ROBO2: variants seen among roughly 807,000 people sequenced by gnomAD.
ROBO2 encodes the protein roundabout guidance receptor 2.
In ROBO2, 53 loss-of-function variants were observed where a neutral mutation model predicts 160.8. The observed-to-expected ratio is 0.33, with a 90% CI of 0.26 to 0.41. The LOEUF is 0.41. Ranked by LOEUF, ROBO2 falls within the 10% of genes least tolerant of loss-of-function variation. The probability of loss-of-function intolerance (pLI) is 1.00; values close to 1 mark genes in which losing one functional copy is unlikely to be tolerated. For missense variants in ROBO2, 1,577 were observed against 1,722.4 expected (o/e 0.92, Z 1.49); for synonymous variants, 664 against 611.7 (o/e 1.09, Z -1.26).
chr3:76,486,423 G>A (rs993367306), intron 2 of ROBO2, among the ~76,000 whole-genome samples: 1 of 152,152 alleles, frequency 6.6e-6, no homozygotes, highest in Admixed American at 6.5e-5. Flanking sequence ...GACGCACATT[G>A]AGTCATGACA....
At chr3:76,627,030 A>G (rs560972925) in intron 2 of ROBO2, among the ~76,000 whole-genome samples, 5 of 152,300 alleles carry the variant, frequency 3.3e-5, no homozygotes, top group Admixed American at 3.3e-4. Context: ...ATATGCCTCT[A>G]TTCAAGGAGA....
chr3:77,362,492 G>A (rs1239996175), intron 2 of ROBO2, among the ~76,000 whole-genome samples: 1 of 152,128 alleles, frequency 6.6e-6, no homozygotes, highest in African/African-American at 2.4e-5. Context: ...GAGTGATCAG[G>A]TATCTGTGGT....
intron 2 of ROBO2, among the ~76,000 whole-genome samples, chr3:76,305,851 A>G (rs1432435014): frequency 1.3e-5 from 2 of 152,074 alleles, no homozygotes; most frequent in African/African-American, 2.4e-5. Context: ...CATCTCAAAA[A>G]AAAAAACAAA....
At chr3:76,994,028 C>A (rs112562673) in intron 2 of ROBO2, among the ~76,000 whole-genome samples, 4,753 of 151,862 alleles carry the variant, frequency 0.031, 242 homozygotes, top group African/African-American at 0.11. Flanking sequence ...TATTGAGGAT[C>A]ACACATTCTG....
At chr3:76,822,303 C>T (rs1403862623) in intron 2 of ROBO2, among the ~76,000 whole-genome samples, 1 of 151,862 alleles carries the variant, frequency 6.6e-6, no homozygotes, top group African/African-American at 2.4e-5. Flanking sequence ...ACAGTGAATA[C>T]TGAGTAAATT....
At chr3:77,198,970 A>G (rs9839601) in intron 2 of ROBO2, among the ~76,000 whole-genome samples, 50,550 of 151,792 alleles carry the variant, frequency 0.33, 9,825 homozygotes, top group Middle Eastern at 0.52. Context: ...AATATGCTCT[A>G]TGTTAATGTC....
At chr3:76,738,975 T>C (rs1423156636) in intron 2 of ROBO2, among the ~76,000 whole-genome samples, 4 of 152,082 alleles carry the variant, frequency 2.6e-5, no homozygotes, top group Non-Finnish European at 1.5e-5. Flanking sequence ...TTGGGTGTGA[T>C]TCAGACGTTA....
At chr3:77,232,457 G>A (rs1180322799) in intron 2 of ROBO2, among the ~76,000 whole-genome samples, 1 of 152,126 alleles carries the variant, frequency 6.6e-6, no homozygotes, top group Non-Finnish European at 1.5e-5. Context: ...GATAAAAATG[G>A]ATTCTTTGAT....
rs970426453 is a variant in ROBO2, at chr3:77,040,865, C to T, written c.61+19C>T. The T allele has an allele frequency of 6.2e-7, 1 of 1,613,968 alleles. No individual in the cohort carries two copies. Among genetic ancestry groups the T allele is most frequent in the Non-Finnish European group, 8.5e-7 (1 of 1,179,960 alleles). On this transcript the variant is annotated intron_variant, in intron 1 of 25. Transcript: ENST00000461745. ...GTTGATGGTAAGTTAAAAATGCTTT[C>T]ATCTTTTTTTGCGCCCCCCACCCCC...
At chr3:76,277,161 CT>C (rs562036307) in intron 2 of ROBO2, among the ~76,000 whole-genome samples, 47 of 151,750 alleles carry the variant, frequency 3.1e-4, no homozygotes, top group African/African-American at 1.1e-3. Flanking sequence ...ATAAGCAATT[CT>C]TTTTTTTACT....
intron 2 of ROBO2, among the ~76,000 whole-genome samples, chr3:77,307,136 C>A (rs2153418285): frequency 6.6e-6 from 1 of 152,264 alleles, no homozygotes; most frequent in East Asian, 1.9e-4. Context: ...ATATAAACTT[C>A]ATTGGATAAG....
At chr3:77,229,402 G>A (rs561260720) in intron 2 of ROBO2, among the ~76,000 whole-genome samples, 34 of 152,176 alleles carry the variant, frequency 2.2e-4, no homozygotes, top group African/African-American at 4.3e-4. Flanking sequence ...ACCACATTGC[G>A]CCAGGTGTGG....
chr3:76,307,398 A>G (rs1368750144), intron 2 of ROBO2, among the ~76,000 whole-genome samples: 1 of 152,120 alleles, frequency 6.6e-6, no homozygotes, highest in Non-Finnish European at 1.5e-5. Flanking sequence ...TATGGCCTGC[A>G]TTAAAGCATT....
At chr3:77,344,825 A>G (rs1333618222) in intron 2 of ROBO2, among the ~76,000 whole-genome samples, 1 of 152,074 alleles carries the variant, frequency 6.6e-6, no homozygotes, top group Non-Finnish European at 1.5e-5. Context: ...GAAAATAATA[A>G]TATTAAAAGT....
At chr3:76,209,161 A>C (rs1000874416) in intron 2 of ROBO2, among the ~76,000 whole-genome samples, 1 of 152,196 alleles carries the variant, frequency 6.6e-6, no homozygotes, top group African/African-American at 2.4e-5. Flanking sequence ...GTCCACAGAC[A>C]ATCAGATGGA....
At chr3:77,056,676 A>G (rs2065778733) in intron 1 of ROBO2, among the ~76,000 whole-genome samples, 1 of 152,192 alleles carries the variant, frequency 6.6e-6, no homozygotes, top group Non-Finnish European at 1.5e-5. Flanking sequence ...AAGACATACA[A>G]TATTTTGGCA....
chr3:75,943,232 C>A (rs1948133099), intron 2 of ROBO2, among the ~76,000 whole-genome samples: 1 of 125,778 alleles, frequency 8.0e-6, no homozygotes, highest in South Asian at 3.5e-4. Context: ...GGCATTAATT[C>A]ACAATAGTAA....
chr3:76,537,353 C>A (rs2653478), intron 2 of ROBO2, among the ~76,000 whole-genome samples: 5,233 of 152,126 alleles, frequency 0.034, 326 homozygotes, highest in African/African-American at 0.12. Context: ...CCATTTGCAA[C>A]CATTGTCAAG....
intron 2 of ROBO2, among the ~76,000 whole-genome samples, chr3:76,550,580 C>G (rs1232159643): frequency 6.6e-6 from 1 of 152,192 alleles, no homozygotes; most frequent in Admixed American, 6.5e-5. Flanking sequence ...AAGCCCCTCA[C>G]TCCCAGGCAC....
Sources: allele counts gnomAD v4.1 joint callset (sites outside exome capture counted in the v4.1 genomes callset), GRCh38; gene constraint gnomAD v4.1.1; transcripts MANE v1.5; gene names NCBI Gene and HGNC (gene_info 2026-07-23, HGNC 2026-07-21).